IGF1R: variants seen among roughly 807,000 people sequenced by gnomAD.
IGF1R encodes the protein insulin-like growth factor 1 receptor.
IGF1R carries 44 observed loss-of-function variants against 144.6 expected under a neutral mutation model. The observed-to-expected ratio is 0.30, with a 90% CI of 0.24 to 0.39. IGF1R has a LOEUF of 0.39. Ranked by LOEUF, IGF1R falls within the 10% of genes least tolerant of loss-of-function variation. The probability of loss-of-function intolerance (pLI) is 1.00; values close to 1 mark genes in which losing one functional copy is unlikely to be tolerated. For missense variants in IGF1R, 1,355 were observed against 1,833.7 expected, an observed-to-expected ratio of 0.74 and a Z score of 4.77; for synonymous variants, 795 against 722.8, an observed-to-expected ratio of 1.10 and a Z score of -1.60.
intron 2 of IGF1R, among the ~76,000 whole-genome samples, chr15:98,878,679 AAAAAAAAAAAAAAAAAC>A (rs2013193211): frequency 1.0e-5 from 1 of 98,604 alleles, no homozygotes; most frequent in African/African-American, 3.0e-5. Context: ...AAAAAAAAAA[AAAAAAAAAAAAAAAAAC>A]AACAACAAAA....
intron 1 of IGF1R, among the ~76,000 whole-genome samples, chr15:98,672,963 T>C (rs1293541248): frequency 6.6e-6 from 1 of 152,218 alleles, no homozygotes; most frequent in Admixed American, 6.5e-5. Flanking sequence ...CTAGCCTGCA[T>C]TGTAAGACTG....
intron 2 of IGF1R, among the ~76,000 whole-genome samples, chr15:98,855,193 C>T (rs1337387102): frequency 6.6e-6 from 1 of 152,162 alleles, no homozygotes; most frequent in African/African-American, 2.4e-5. Context: ...TCTCTGTGTC[C>T]CCCCATGAGA....
In IGF1R at chr15:98,957,157, C is replaced by G; in HGVS notation, c.3819C>G (p.Gly1273=). ...GCATCAAAGAGGAGATGGAGCCTGG[C>G]TTCCGGGAGGTCTCCTTCTACTACA... ...ISSIKEEMEP[G]FREVSFYYSE... Residue 1273 remains glycine (G), a synonymous_variant, in exon 21 of 21, where the codon GGC becomes GGG. Transcript: ENST00000650285. The G allele has an allele frequency of 6.2e-7, 1 of 1,614,252 alleles. No individual in the cohort carries two copies. Among genetic ancestry groups the G allele is most frequent in the South Asian group, 1.1e-5 (1 of 91,092 alleles).
chr15:98,895,241 C>G (rs1037069710), intron 3 of IGF1R, among the ~76,000 whole-genome samples: 8 of 63,656 alleles, frequency 1.3e-4, no homozygotes, highest in South Asian at 8.1e-4. Context: ...CACACACACA[C>G]ACACACACAC....
chr15:98,662,848 G>C (rs559921933), intron 1 of IGF1R, among the ~76,000 whole-genome samples: 222 of 152,314 alleles, frequency 1.5e-3, no homozygotes, highest in Non-Finnish European at 2.2e-3. Context: ...AGTGTGCACT[G>C]ATGGAGTGGA....
At chr15:98,671,683 T>C (rs1409233318) in intron 1 of IGF1R, among the ~76,000 whole-genome samples, 1 of 152,214 alleles carries the variant, frequency 6.6e-6, no homozygotes, top group African/African-American at 2.4e-5. Context: ...AGGCTGGCCA[T>C]TTCAGGATCA....
At chr15:98,717,093 A>G (rs1229555059) in intron 2 of IGF1R, among the ~76,000 whole-genome samples, 1 of 152,204 alleles carries the variant, frequency 6.6e-6, no homozygotes, top group Non-Finnish European at 1.5e-5. Flanking sequence ...ATCATTTTGT[A>G]CAGAACAGGA....
rs60796484 is a variant in IGF1R at position 98,772,510 on chromosome 15, A to ATTATTATTATTGTTATTG, written c.640+64408_640+64409insATTATTGTTATTGTTATT. 6.2e-4 allele frequency among the ~76,000 whole-genome samples: 88 copies of ATTATTATTATTGTTATTG among 141,946 alleles called. 1 individual carries two copies. Among genetic ancestry groups the ATTATTATTATTGTTATTG allele is most frequent in the Non-Finnish European group, 1.1e-3 (73 of 65,874 alleles). The allele number at this position is 141,946 out of a possible 152,430, so 93.1% of individuals were successfully genotyped here. On this transcript the variant is annotated intron_variant, in intron 2 of 20. Transcript: ENST00000650285. Reference sequence around the variant, plus strand: ...TATTATTATTATTATTATTATTATTATTATTTTAAGAATTAGGTCTCTGTT... The same window carrying ATTATTATTATTGTTATTG: ...TATTATTATTATTATTATTATTATTATTATTATTATTGTTATTGTTATTTTAAGAATTAGGTCTCTGTT...
intron 1 of IGF1R, among the ~76,000 whole-genome samples, chr15:98,678,815 A>G (rs1002428334): frequency 1.3e-5 from 2 of 152,088 alleles, no homozygotes; most frequent in Non-Finnish European, 2.9e-5. Flanking sequence ...GTGAGCCACC[A>G]TGCCTGGCGT....
intron 2 of IGF1R, among the ~76,000 whole-genome samples, chr15:98,861,931 C>A (rs2012179036): frequency 6.6e-6 from 1 of 152,214 alleles, no homozygotes; most frequent in Non-Finnish European, 1.5e-5. Flanking sequence ...GGTAGCTTTT[C>A]ACATTCACTT....
At chr15:98,716,569 G>C (rs770521409) in intron 2 of IGF1R, among the ~76,000 whole-genome samples, 1 of 152,186 alleles carries the variant, frequency 6.6e-6, no homozygotes, top group Non-Finnish European at 1.5e-5. Context: ...TACAATGAGA[G>C]CTGGAGTTTC....
intron 2 of IGF1R, among the ~76,000 whole-genome samples, chr15:98,832,188 T>C (rs905129072): frequency 3.0e-4 from 45 of 152,278 alleles, no homozygotes; most frequent in Non-Finnish European, 5.9e-5. Flanking sequence ...ATTCTATTAT[T>C]ATGCACAGAT....
chr15:98,766,581 A>G (rs1292595900), intron 2 of IGF1R, among the ~76,000 whole-genome samples: 4 of 152,142 alleles, frequency 2.6e-5, no homozygotes, highest in Non-Finnish European at 5.9e-5. Flanking sequence ...TGGGGATTGG[A>G]TAATGTATTT....
intron 2 of IGF1R, among the ~76,000 whole-genome samples, chr15:98,717,085 C>G (rs2054135611): frequency 6.6e-6 from 1 of 152,208 alleles, no homozygotes; most frequent in South Asian, 2.1e-4. Flanking sequence ...AAGAATACAT[C>G]ATTTTGTACA....
intron 2 of IGF1R, among the ~76,000 whole-genome samples, chr15:98,838,526 A>T (rs1414077125): frequency 6.6e-6 from 1 of 152,226 alleles, no homozygotes; most frequent in Non-Finnish European, 1.5e-5. Context: ...TGTTTACCCC[A>T]GGAAGGCTCC....
chr15:98,670,210 G>A (rs1227521709), intron 1 of IGF1R, among the ~76,000 whole-genome samples: 1 of 152,116 alleles, frequency 6.6e-6, no homozygotes, highest in Non-Finnish European at 1.5e-5. Context: ...TTATGAGTGA[G>A]GATGGAGTGA....
chr15:98,924,833 T>G, intron 13 of IGF1R, 149 bp downstream of exon 13: 4 of 754,230 alleles, frequency 5.3e-6, no homozygotes, highest in Non-Finnish European at 4.7e-6. Flanking sequence ...TGCCGGCACA[T>G]ACCGGCACTG....
chr15:98,653,227 G>A (rs1278872484), intron 1 of IGF1R, among the ~76,000 whole-genome samples: 3 of 152,142 alleles, frequency 2.0e-5, no homozygotes, highest in Non-Finnish European at 4.4e-5. Context: ...TGCTGGTGGA[G>A]GGCAGATTTT....
chr15:98,824,050 T>C (rs937221895), intron 2 of IGF1R: 23 of 152,334 alleles, frequency 1.5e-4, no homozygotes, highest in Admixed American at 3.9e-4. Flanking sequence ...ATTAAAAATA[T>C]GTTTGTCGCA....
Sources: allele counts gnomAD v4.1 joint callset (sites outside exome capture counted in the v4.1 genomes callset), GRCh38; gene constraint gnomAD v4.1.1; transcripts MANE v1.5; gene names NCBI Gene and HGNC (gene_info 2026-07-23, HGNC 2026-07-21).